HCN1: variants seen among roughly 807,000 people sequenced by gnomAD.
HCN1 encodes hyperpolarization activated cyclic nucleotide gated potassium channel 1.
In HCN1, 13 loss-of-function variants were observed where a neutral mutation model predicts 78.9. The observed-to-expected ratio is 0.16, with a 90% CI of 0.11 to 0.26. The LOEUF (loss-of-function observed/expected upper bound fraction) is 0.26, where lower values mean the gene tolerates loss of function less well. Among genes scored for constraint, HCN1 ranks in the 10% least tolerant of loss-of-function variants. The pLI is 1.00. For synonymous variants in HCN1, 552 were observed against 455.5 expected (o/e 1.21, Z -2.70); for missense variants, 810 against 1,154.3 (o/e 0.70, Z 4.32).
intron 1 of HCN1, among the ~76,000 whole-genome samples, chr5:45,647,064 T>C (rs1281690753): frequency 1.3e-5 from 2 of 152,154 alleles, no homozygotes; most frequent in East Asian, 3.8e-4. Flanking sequence ...AAAGTACTAG[T>C]TGAAGAAAAA....
chr5:45,436,394 C>T (rs1437987866), intron 3 of HCN1, among the ~76,000 whole-genome samples: 1 of 152,168 alleles, frequency 6.6e-6, no homozygotes, highest in Admixed American at 6.5e-5. Flanking sequence ...TTGTACCATA[C>T]CTGAGTTACT....
intron 6 of HCN1, among the ~76,000 whole-genome samples, chr5:45,291,209 C>T (rs547571849): frequency 6.6e-6 from 1 of 152,014 alleles, no homozygotes; most frequent in Non-Finnish European, 1.5e-5. Flanking sequence ...CCTCCAATAA[C>T]TTTTCTCTCT....
At chr5:45,304,974 A>C (rs972506975) in intron 5 of HCN1, among the ~76,000 whole-genome samples, 3 of 152,192 alleles carry the variant, frequency 2.0e-5, no homozygotes, top group Non-Finnish European at 4.4e-5. Context: ...TATGTGACAC[A>C]GAAGAGACAG....
chr5:45,371,489 T>A (rs1204235924), intron 4 of HCN1, among the ~76,000 whole-genome samples: 1 of 151,900 alleles, frequency 6.6e-6, no homozygotes, highest in Non-Finnish European at 1.5e-5. Context: ...CTGGGCACGG[T>A]GACTCATGCC....
chr5:45,330,962 A>G (rs1417649278), intron 5 of HCN1, among the ~76,000 whole-genome samples: 1 of 151,234 alleles, frequency 6.6e-6, no homozygotes, highest in East Asian at 1.9e-4. Flanking sequence ...ATGCCTTTGT[A>G]TCTGTCTTAC....
At chr5:45,676,049 C>T (rs1214644434) in intron 1 of HCN1, among the ~76,000 whole-genome samples, 1 of 151,740 alleles carries the variant, frequency 6.6e-6, no homozygotes. Flanking sequence ...TGCATCCCTG[C>T]TTCACATGAT....
At chr5:45,527,963 T>C (rs983330500) in intron 2 of HCN1, among the ~76,000 whole-genome samples, 2 of 151,212 alleles carry the variant, frequency 1.3e-5, no homozygotes, top group African/African-American at 4.8e-5. Context: ...AAAAATACTC[T>C]ATAGTCCTAG....
At chr5:45,414,044 A>C (rs2112059124) in intron 3 of HCN1, among the ~76,000 whole-genome samples, 1 of 152,128 alleles carries the variant, frequency 6.6e-6, no homozygotes, top group Non-Finnish European at 1.5e-5. Context: ...CCTAGATATT[A>C]ATCAATTAGA....
chr5:45,550,782 A>T (rs2111854263), intron 2 of HCN1, among the ~76,000 whole-genome samples: 1 of 152,180 alleles, frequency 6.6e-6, no homozygotes, highest in Non-Finnish European at 1.5e-5. Flanking sequence ...CAAAAAGCAT[A>T]TTTAATCCAT....
chr5:45,476,315 T>C (rs1741513722), intron 2 of HCN1, among the ~76,000 whole-genome samples: 1 of 152,132 alleles, frequency 6.6e-6, no homozygotes, highest in Non-Finnish European at 1.5e-5. Context: ...AAGAAATCAC[T>C]ATGCATTGTT....
intron 1 of HCN1, among the ~76,000 whole-genome samples, chr5:45,659,064 T>A (rs1349504116): frequency 6.6e-6 from 1 of 151,986 alleles, no homozygotes; most frequent in Non-Finnish European, 1.5e-5. Context: ...GTCTGACAGC[T>A]TTGAAGAGAC....
At chr5:45,611,143 C>A (rs144730761) in intron 2 of HCN1, among the ~76,000 whole-genome samples, 1 of 151,278 alleles carries the variant, frequency 6.6e-6, no homozygotes, top group African/African-American at 2.4e-5. Flanking sequence ...CTCAACCTCC[C>A]GGGTTCAAGA....
intron 4 of HCN1, among the ~76,000 whole-genome samples, chr5:45,395,827 G>A (rs368387400): frequency 6.6e-6 from 1 of 151,534 alleles, no homozygotes; most frequent in Non-Finnish European, 1.5e-5. Flanking sequence ...TTTAGCCCTA[G>A]CCAAAGAAAT....
chr5:45,375,239 ATATAT>A (rs1228476195), intron 4 of HCN1, among the ~76,000 whole-genome samples: 1 of 116,412 alleles, frequency 8.6e-6, no homozygotes, highest in Admixed American at 1.1e-4. Context: ...ATAATATATA[ATATAT>A]TATACATAAT....
intron 3 of HCN1, among the ~76,000 whole-genome samples, chr5:45,452,319 G>GTTT (rs898985276): frequency 7.3e-6 from 1 of 137,406 alleles, no homozygotes. Context: ...AGGGTATTTA[G>GTTT]TTTTTTTTTT....
intron 6 of HCN1, among the ~76,000 whole-genome samples, chr5:45,298,776 G>A (rs1484319940): frequency 6.6e-6 from 1 of 151,894 alleles, no homozygotes; most frequent in Non-Finnish European, 1.5e-5. Flanking sequence ...GGCTGTGCAT[G>A]GTGACTACCT....
At chr5:45,541,155 C>T (rs1743098252) in intron 2 of HCN1, among the ~76,000 whole-genome samples, 1 of 152,034 alleles carries the variant, frequency 6.6e-6, no homozygotes, top group South Asian at 2.1e-4. Flanking sequence ...ACTCCACGTA[C>T]AATGGTACAA....
intron 7 of HCN1, among the ~76,000 whole-genome samples, chr5:45,266,317 A>G (rs1212628838): frequency 6.6e-6 from 1 of 152,078 alleles, no homozygotes; most frequent in Non-Finnish European, 1.5e-5. Flanking sequence ...GCTTGAGTCT[A>G]TATTACAAAC....
intron 2 of HCN1, among the ~76,000 whole-genome samples, chr5:45,477,522 C>T (rs973281621): frequency 1.2e-4 from 18 of 151,708 alleles, no homozygotes; most frequent in Middle Eastern, 3.2e-3. Flanking sequence ...TGAGCAGGTC[C>T]GGAAACCTGG....
Sources: gnomAD v4.1 joint callset for allele counts (sites outside exome capture counted in the v4.1 genomes callset) on GRCh38, gnomAD v4.1.1 for gene constraint, MANE v1.5 for transcripts, NCBI Gene and HGNC (gene_info 2026-07-23, HGNC 2026-07-21) for gene names.